Variants in WNT16 observed in about 807,000 individuals in gnomAD.
The protein encoded by WNT16 is Wnt family member 16, also known as protein Wnt-16.
A neutral mutation model predicts 35.4 loss-of-function variants in WNT16; 20 were observed. The ratio of observed to expected loss-of-function variants is 0.56; its 90% CI spans 0.40 to 0.82. The LOEUF is 0.82. WNT16 is among the 40% of genes least tolerant of loss of function. The pLI, the probability that WNT16 is intolerant of heterozygous loss-of-function variation, is 0.00. For missense variants in WNT16, 461 were observed against 466.0 expected (o/e 0.99, Z 0.10); for synonymous variants, 180 against 179.2 (o/e 1.00, Z -0.03).
chr7:121,337,568 A>G (rs1793463425), intron 3 of WNT16, among the ~76,000 whole-genome samples: 1 of 152,206 alleles, frequency 6.6e-6, no homozygotes, highest in Non-Finnish European at 1.5e-5. Flanking sequence ...TTTACCCAGC[A>G]TGTTGACAGA....
chr7:121,337,440 T>C (rs186788851), intron 3 of WNT16, among the ~76,000 whole-genome samples: 31 of 152,374 alleles, frequency 2.0e-4, no homozygotes, highest in Admixed American at 6.5e-4. Flanking sequence ...TAGACCCCTG[T>C]CATTTTATTG....
At chr7:121,330,639 C>G (rs1306164387) in intron 2 of WNT16, among the ~76,000 whole-genome samples, 3 of 151,806 alleles carry the variant, frequency 2.0e-5, no homozygotes, top group Admixed American at 2.0e-4. Flanking sequence ...GCGCGCACCC[C>G]CGCCGAGCCG....
At chr7:121,332,437 G>A (rs1489769195) in intron 3 of WNT16, among the ~76,000 whole-genome samples, 1 of 152,188 alleles carries the variant, frequency 6.6e-6, no homozygotes, top group African/African-American at 2.4e-5. Flanking sequence ...GATGCACAAT[G>A]CCTGTAGGGT....
chr7:121,329,930 G>A (rs2116832123), intron 2 of WNT16, 113 bp downstream of exon 2: 1 of 1,460,554 alleles, frequency 6.8e-7, no homozygotes, highest in South Asian at 1.4e-5. Context: ...CTAAGTTCCA[G>A]AAGAAGCCCT....
chr7:121,339,012 C>T lies in WNT16; in HGVS notation c.765C>T (p.Asn255=), dbSNP rs773071078. The T allele has an allele frequency of 6.2e-6, 10 of 1,614,094 alleles. No homozygotes were observed. In the East Asian group the frequency reaches 2.0e-4, roughly 32 times the overall value. Residue 255 remains asparagine, a synonymous_variant, in exon 4 of 4, where the codon AAC becomes AAT. Coordinates refer to ENST00000222462, the MANE Select transcript of WNT16 (RefSeq NM_057168.2). ...IGHLLKDKYE[N]SIQISDKTKR... ...ATTTGTTGAAGGATAAATATGAAAACAGTATCCAGATATCAGACAAAACAA... is the reference window on the plus strand; with the variant it reads ...ATTTGTTGAAGGATAAATATGAAAATAGTATCCAGATATCAGACAAAACAA...
At chr7:121,326,038 C>CAAAAAAAAAAAA (rs386411143), upstream of WNT16, among the ~76,000 whole-genome samples, 3 of 23,094 alleles carry the variant, frequency 1.3e-4, 1 homozygote, top group Non-Finnish European at 1.8e-4. Context: ...TACCTCATCT[C>CAAAAAAAAAAAA]AAAAAAAAAA....
chr7:121,328,928 A>G, upstream of WNT16: 2 of 685,676 alleles, frequency 2.9e-6, no homozygotes, highest in African/African-American at 1.9e-5. Context: ...TGCTCAGCCA[A>G]TCAGGCTCCA....
At chr7:121,328,857 C>T (rs530042848), upstream of WNT16, 5 of 214,782 alleles carry the variant, frequency 2.3e-5, no homozygotes, top group Non-Finnish European at 4.1e-5. Flanking sequence ...GAGCGCCCCC[C>T]GCGGAGCCGC....
In WNT16 at chr7:121,338,941, G is replaced by A. The variant is rs1562877792; in HGVS notation, c.694G>A (p.Val232Met). The change falls in exon 4 of 4, where the codon GTG (valine) becomes ATG (methionine). Residue 232 changes from valine (V) to methionine (M), a missense_variant. Physicochemically the swap from Val to Met is conservative, Grantham distance 21 (BLOSUM62 1). Coordinates refer to ENST00000222462, the MANE Select transcript of WNT16 (RefSeq NM_057168.2). The stretch of plus-strand genomic sequence containing the variant: ...CCACGGAGTTTCCGGCTCCTGTGCT[G>A]TGAAAACATGCTGGAAAACCATGTC... The part of the protein sequence containing the change: ...RCHGVSGSCA[V>M]KTCWKTMSSF... 4 of 1,613,998 alleles carry A rather than the reference G, an allele frequency of 2.5e-6. No homozygotes were observed. Among genetic ancestry groups the A allele is most frequent in the Admixed American group, 1.7e-5 (1 of 59,996 alleles).
intron 3 of WNT16, among the ~76,000 whole-genome samples, chr7:121,335,985 T>TG (rs1491198928): frequency 2.8e-4 from 32 of 115,420 alleles, no homozygotes; most frequent in African/African-American, 9.1e-4. Flanking sequence ...AGAATTAAAC[T>TG]TTGTGTGTGT....
chr7:121,338,729 AC>A (rs1247719751), intron 3 of WNT16, 151 bp from the exon 4 acceptor site: 1 of 736,306 alleles, frequency 1.4e-6, no homozygotes, highest in Admixed American at 2.9e-5. Context: ...TTTGAAGCCT[AC>A]GCAATTTTAA....
upstream of WNT16, chr7:121,325,463 T>G (rs762778713): frequency 6.2e-7 from 1 of 1,613,612 alleles, no homozygotes; most frequent in Non-Finnish European, 8.5e-7. Flanking sequence ...CAGGGGCTTC[T>G]CAAAAGACCT....
chr7:121,332,892 T>C (rs1035857232), intron 3 of WNT16, among the ~76,000 whole-genome samples: 44 of 152,216 alleles, frequency 2.9e-4, no homozygotes, highest in African/African-American at 8.7e-4. Flanking sequence ...TACTGTTTTC[T>C]TAAAATGCAT....
rs775211629 is a variant in WNT16 at position 121,331,841 on chromosome 7, T to A, written c.510T>A (p.Asp170Glu). 6.2e-7 allele frequency: 1 copy of A among 1,614,146 alleles called. No homozygotes were observed. The highest frequency in any genetic ancestry group is 8.5e-7 in the Non-Finnish European group (1 of 1,180,024). ...SEGWHWGGCS[D>E]DVQYGMWFSR... ...GCTGGCACTGGGGGGGCTGCTCCGA[T>A]GATGTCCAGTATGGCATGTGGTTCA... is the stretch of plus-strand genomic sequence containing the variant. The change falls in exon 3 of 4, where the codon GAT becomes GAA. Residue 170 changes from aspartate (D) to glutamate (E), a missense_variant. Asp to Glu is a conservative substitution (Grantham distance 45). Coordinates refer to ENST00000222462, the MANE Select transcript of WNT16 (RefSeq NM_057168.2).
intron 1 of WNT16, 78 bp downstream of exon 1, chr7:121,329,465 C>G: frequency 6.3e-7 from 1 of 1,589,762 alleles, no homozygotes; most frequent in Non-Finnish European, 8.6e-7. Context: ...TCAACTGAGG[C>G]TGGGGGAGAA....
At position 121,340,746 on chromosome 7, in the gene WNT16, G is replaced by T. The variant is rs1370919709; in HGVS notation, c.*1401G>T. On this transcript the variant is annotated 3_prime_UTR_variant, in exon 4 of 4. Coordinates refer to ENST00000222462, the MANE Select transcript of WNT16 (RefSeq NM_057168.2). ...TGCATTTCTATTTGAATGTTAAGTG[G>T]TCTTTCTTGTTTTTAATATTCATGC... 6.6e-6 allele frequency: 1 copy of T among 152,108 alleles called. No homozygotes were observed. Among genetic ancestry groups the T allele is most frequent in the Non-Finnish European group, 1.5e-5 (1 of 67,888 alleles). 9.4% of individuals were successfully genotyped at this position (152,108 alleles called of 1,614,324 possible).
chr7:121,338,111 A>G (rs1793468774), intron 3 of WNT16, among the ~76,000 whole-genome samples: 1 of 151,642 alleles, frequency 6.6e-6, no homozygotes, highest in Admixed American at 6.6e-5. Context: ...CACCACCTCC[A>G]CCCCTCCCTT....
chr7:121,338,332 T>C (rs955584359), intron 3 of WNT16, among the ~76,000 whole-genome samples: 1 of 152,238 alleles, frequency 6.6e-6, no homozygotes, highest in Non-Finnish European at 1.5e-5. Flanking sequence ...CTATGCACCA[T>C]GAGAGCTAAG....
Position 121,331,934 on chromosome 7 carries a change from G to T in WNT16, c.603G>T (p.Met201Ile), listed in dbSNP as rs1793356763. 7.4e-6 allele frequency: 12 copies of T among 1,614,146 alleles called. No individual in the cohort carries two copies. The highest frequency in any genetic ancestry group is 1.0e-5 in the Non-Finnish European group (12 of 1,180,034). ...AAGAAAACAAAGTACTATTAGCAAT[G>T]AACCTACATAACAATGAAGCTGGAA... Reference protein sequence around the residue: ...TGKENKVLLAMNLHNNEAGRQ... With the variant: ...TGKENKVLLAINLHNNEAGRQ... Residue 201 changes from methionine to isoleucine, a missense_variant, in exon 3 of 4, where the codon ATG becomes ATT. Physicochemically the swap from Met to Ile is conservative, Grantham distance 10. Transcript: ENST00000222462.
Sources: allele counts gnomAD v4.1 joint callset (sites outside exome capture counted in the v4.1 genomes callset), GRCh38; gene constraint gnomAD v4.1.1; transcripts MANE v1.5; gene names NCBI Gene and HGNC (gene_info 2026-07-23, HGNC 2026-07-21).